Variants in B3GALT1 observed in about 807,000 individuals in gnomAD.
The protein encoded by B3GALT1 is beta-1,3-galactosyltransferase 1, also known as UDP-Gal:betaGlcNAc beta 1,3-galactosyltransferase, polypeptide 1.
B3GALT1 carries 10 observed loss-of-function variants against 23.2 expected under a neutral mutation model. The observed-to-expected ratio is 0.43, with a 90% CI of 0.27 to 0.73. The LOEUF (loss-of-function observed/expected upper bound fraction) is 0.73, where lower values mean the gene tolerates loss of function less well. Ranked by LOEUF, B3GALT1 falls within the 30% of genes least tolerant of loss-of-function variation. The probability of loss-of-function intolerance (pLI) is 0.21; values close to 1 mark genes in which losing one functional copy is unlikely to be tolerated. For missense variants in B3GALT1, 299 were observed against 405.4 expected, an observed-to-expected ratio of 0.74 and a Z score of 2.25; for synonymous variants, 156 against 141.5, an observed-to-expected ratio of 1.10 and a Z score of -0.73.
rs533177100 is a variant in B3GALT1 at position 167,397,536 on chromosome 2, C to T, written c.-510-92641C>T. On this transcript the variant is annotated intron_variant, in intron 1 of 4. Transcript: ENST00000392690. ...TGGCCCTCTAGTTCTACTGACCAAC[C>T]CTGAATGTAAACAGATTCTTGGACA... Among the ~76,000 whole-genome samples the T allele has an allele frequency of 2.6e-5, 4 of 152,128 alleles. No individual in the cohort carries two copies. The South Asian group carries it at 6.2e-4, about 24-fold the overall frequency.
chr2:167,835,501 T>G (rs979146193), intron 4 of B3GALT1, among the ~76,000 whole-genome samples: 1 of 152,230 alleles, frequency 6.6e-6, no homozygotes, highest in African/African-American at 2.4e-5. Flanking sequence ...CCATTGCCCA[T>G]GCTTGCTTAG....
intron 1 of B3GALT1, among the ~76,000 whole-genome samples, chr2:167,296,988 T>C (rs1267017620): frequency 2.0e-5 from 3 of 152,040 alleles, no homozygotes; most frequent in Non-Finnish European, 4.4e-5. Flanking sequence ...CACAAATTAA[T>C]GTAAGAATGG....
chr2:167,401,573 C>T (rs1698192535), intron 1 of B3GALT1, among the ~76,000 whole-genome samples: 2 of 152,168 alleles, frequency 1.3e-5, no homozygotes, highest in South Asian at 2.1e-4. Flanking sequence ...CAATGACCCT[C>T]ACTAATTCAC....
intron 1 of B3GALT1, among the ~76,000 whole-genome samples, chr2:167,459,433 C>G (rs1699222921): frequency 6.6e-6 from 1 of 152,072 alleles, no homozygotes; most frequent in Non-Finnish European, 1.5e-5. Flanking sequence ...TTGTTGATGT[C>G]ATAAAATTAC....
chr2:167,624,716 T>A (rs556448360), intron 2 of B3GALT1, among the ~76,000 whole-genome samples: 1 of 152,054 alleles, frequency 6.6e-6, no homozygotes, highest in African/African-American at 2.4e-5. Context: ...TGGTTTGCCA[T>A]GTGAAAGGAG....
intron 3 of B3GALT1, among the ~76,000 whole-genome samples, chr2:167,706,347 CT>C (rs1321412399): frequency 3.3e-5 from 5 of 152,170 alleles, no homozygotes; most frequent in African/African-American, 1.2e-4. Flanking sequence ...AATTGTAGTT[CT>C]GTTATTGTGA....
At chr2:167,363,626 C>CTT (rs1697534092) in intron 1 of B3GALT1, among the ~76,000 whole-genome samples, 1 of 152,098 alleles carries the variant, frequency 6.6e-6, no homozygotes, top group Non-Finnish European at 1.5e-5. Flanking sequence ...GGAACTTAAA[C>CTT]ATCTGTGGAA....
At chr2:167,295,683 A>G (rs1025034559) in intron 1 of B3GALT1, among the ~76,000 whole-genome samples, 1 of 152,182 alleles carries the variant, frequency 6.6e-6, no homozygotes, top group African/African-American at 2.4e-5. Flanking sequence ...CATTTTATAT[A>G]TCCACTGCAT....
chr2:167,492,525 A>C (rs193136766), intron 2 of B3GALT1, among the ~76,000 whole-genome samples: 1 of 152,198 alleles, frequency 6.6e-6, no homozygotes, highest in Admixed American at 6.5e-5. Context: ...CAGTGGTAAG[A>C]CAGTGTAGTT....
chr2:167,624,425 A>G (rs898856368), intron 2 of B3GALT1, among the ~76,000 whole-genome samples: 2 of 152,112 alleles, frequency 1.3e-5, no homozygotes, highest in African/African-American at 2.4e-5. Context: ...TAGGAACTTC[A>G]GTTAAAATGA....
chr2:167,448,846 T>C (rs1351712304), intron 1 of B3GALT1, among the ~76,000 whole-genome samples: 2 of 152,198 alleles, frequency 1.3e-5, no homozygotes, highest in African/African-American at 4.8e-5. Context: ...GACCATTTGT[T>C]GAATAGGGTG....
chr2:167,613,728 A>G (rs1190955341), intron 2 of B3GALT1, among the ~76,000 whole-genome samples: 7 of 151,790 alleles, frequency 4.6e-5, no homozygotes, highest in African/African-American at 1.7e-4. Context: ...TTAAGATACC[A>G]CAAAACTTCT....
intron 3 of B3GALT1, among the ~76,000 whole-genome samples, chr2:167,672,479 GA>G (rs1558944734): frequency 6.6e-6 from 1 of 152,054 alleles, no homozygotes; most frequent in African/African-American, 2.4e-5. Context: ...GACTCAACAT[GA>G]GACTCAAAAG....
chr2:167,676,852 TATA>T (rs1311027464), intron 3 of B3GALT1, among the ~76,000 whole-genome samples: 1 of 152,244 alleles, frequency 6.6e-6, no homozygotes, highest in African/African-American at 2.4e-5. Flanking sequence ...AATTAATATT[TATA>T]ATGTTTAGAA....
At chr2:167,461,996 A>G (rs1046299160) in intron 1 of B3GALT1, among the ~76,000 whole-genome samples, 1 of 152,178 alleles carries the variant, frequency 6.6e-6, no homozygotes, top group Non-Finnish European at 1.5e-5. Flanking sequence ...TGTGGAGTAA[A>G]TAACCTCCCT....
chr2:167,690,515 G>A (rs11683458), intron 3 of B3GALT1, among the ~76,000 whole-genome samples: 31,354 of 151,958 alleles, frequency 0.21, 3,851 homozygotes, highest in Admixed American at 0.29. Flanking sequence ...TCTATTACAA[G>A]AAAGTCTTTC....
rs548076141 is a variant in B3GALT1 at position 167,870,686 on chromosome 2, C to T, written c.*666C>T. The T allele has an allele frequency of 2.5e-4, 41 of 167,016 alleles. No individual in the cohort carries two copies. The highest frequency in any genetic ancestry group is 8.9e-4 in the African/African-American group (37 of 41,506). The allele number at this position is 167,016 out of a possible 1,614,324, so 10.3% of individuals were successfully genotyped here. On this transcript the variant is annotated 3_prime_UTR_variant, in exon 5 of 5. Transcript: ENST00000392690. ...GGAATGTGTATAAAATGCTACTTAA[C>T]AAAGTAAACAAAAGATTTTTTTTTT...
intron 2 of B3GALT1, among the ~76,000 whole-genome samples, chr2:167,593,996 A>G (rs1276919897): frequency 6.6e-6 from 1 of 152,232 alleles, no homozygotes; most frequent in East Asian, 1.9e-4. Flanking sequence ...AGATATTTAC[A>G]AATTCTGTAC....
intron 2 of B3GALT1, among the ~76,000 whole-genome samples, chr2:167,545,021 G>GTTTTT (rs1558899469): frequency 1.3e-4 from 10 of 78,218 alleles, no homozygotes; most frequent in African/African-American, 2.8e-4. Flanking sequence ...TGGCTTGGGT[G>GTTTTT]TCTTTTTTTT....
Sources: gnomAD v4.1 joint callset for allele counts (sites outside exome capture counted in the v4.1 genomes callset) on GRCh38, gnomAD v4.1.1 for gene constraint, MANE v1.5 for transcripts, NCBI Gene and HGNC (gene_info 2026-07-23, HGNC 2026-07-21) for gene names.